The following FRMPD4 variants were observed in gnomAD, a reference collection of about 807,000 sequenced individuals.
FRMPD4 encodes the protein FERM and PDZ domain containing 4, also known as FERM and PDZ domain-containing protein 4.
Under a neutral mutation model 94.1 loss-of-function variants are expected in FRMPD4, and 22 were observed. The observed-to-expected ratio is 0.23, with a 90% CI of 0.17 to 0.33. The LOEUF (loss-of-function observed/expected upper bound fraction) is 0.33. Among genes scored for constraint, FRMPD4 ranks in the 10% least tolerant of loss-of-function variants. The pLI is 1.00. For synonymous variants in FRMPD4, 631 were observed against 548.6 expected, an observed-to-expected ratio of 1.15 and a Z score of -2.10; for missense variants, 1,111 against 1,339.9, an observed-to-expected ratio of 0.83 and a Z score of 2.67.
At chrX:12,051,213 AGT>A (rs1569149345) in intron 3 of FRMPD4, among the ~76,000 whole-genome samples, 1 of 112,029 alleles carries the variant, frequency 8.9e-6, no homozygotes, top group Non-Finnish European at 1.9e-5. Context: ...AACTTTAGAG[AGT>A]GTAGAGAGAA....
chrX:12,494,603 G>GAA, intron 1 of FRMPD4, among the ~76,000 whole-genome samples: 1 of 111,473 alleles, frequency 9.0e-6, no homozygotes, highest in East Asian at 2.8e-4. Flanking sequence ...GCCTCCAGGT[G>GAA]GCTCCTGAAA....
rs186428883 is a variant in FRMPD4, at chrX:12,007,008, G to A, written c.95+128990G>A. ...CTCTTTGACTTTTCTCTCACTAAAG[G>A]AAGATCTCTATGTCTCCTTACTTGA... On this transcript the variant is annotated intron_variant, in intron 3 of 18. Transcript: ENST00000640291. 2.2e-3 allele frequency among the ~76,000 whole-genome samples: 252 copies of A among 112,000 alleles called. 1 individual carries two copies. Among genetic ancestry groups the A allele is most frequent in the African/African-American group, 7.0e-3 (216 of 30,843 alleles).
intron 3 of FRMPD4, among the ~76,000 whole-genome samples, chrX:11,925,434 A>G (rs1434324782): frequency 1.8e-5 from 2 of 112,131 alleles, no homozygotes; most frequent in Admixed American, 1.9e-4. Flanking sequence ...CTCTACCCCA[A>G]AACAACAGAT....
intron 3 of FRMPD4, among the ~76,000 whole-genome samples, chrX:12,006,173 T>G (rs1431348487): frequency 8.9e-6 from 1 of 111,900 alleles, no homozygotes; most frequent in East Asian, 2.8e-4. Context: ...TCCTGCCTCT[T>G]TTGATTTTCT....
chrX:12,530,253 C>A (rs1453952366), intron 2 of FRMPD4, among the ~76,000 whole-genome samples: 1 of 111,728 alleles, frequency 9.0e-6, no homozygotes, highest in Non-Finnish European at 1.9e-5. Context: ...GTGACACATG[C>A]TAGGAATGAT....
chrX:12,489,409 T>C (rs1453324543), intron 1 of FRMPD4, among the ~76,000 whole-genome samples: 1 of 112,552 alleles, frequency 8.9e-6, no homozygotes, highest in Non-Finnish European at 1.9e-5. Context: ...TTCGTATACA[T>C]GTTCAAGGGA....
At chrX:12,152,302 A>G (rs1457069937) in intron 1 of FRMPD4, among the ~76,000 whole-genome samples, 3 of 112,224 alleles carry the variant, frequency 2.7e-5, no homozygotes, top group Non-Finnish European at 3.8e-5. Context: ...TTGCAACACT[A>G]TGCAGCTGTA....
At chrX:12,293,431 A>G (rs758606768) in intron 1 of FRMPD4, among the ~76,000 whole-genome samples, 1 of 112,877 alleles carries the variant, frequency 8.9e-6, no homozygotes, top group African/African-American at 3.2e-5. Context: ...GTCCATTTTA[A>G]TACTCACAGA....
chrX:12,286,905 C>T (rs998497530), intron 1 of FRMPD4, among the ~76,000 whole-genome samples: 12 of 111,720 alleles, frequency 1.1e-4, no homozygotes, highest in African/African-American at 2.0e-4. Context: ...TATACCTGAC[C>T]TTCAGGAACC....
At chrX:12,275,015 A>C (rs1385937158) in intron 1 of FRMPD4, among the ~76,000 whole-genome samples, 1 of 112,162 alleles carries the variant, frequency 8.9e-6, no homozygotes, top group African/African-American at 3.2e-5. Context: ...TCTCAAAAAA[A>C]TAAACCACAT....
At chrX:12,520,598 G>A (rs2058151682) in intron 2 of FRMPD4, among the ~76,000 whole-genome samples, 1 of 111,595 alleles carries the variant, frequency 9.0e-6, no homozygotes, top group South Asian at 3.8e-4. Context: ...GAGGCATCAG[G>A]ACTCTGTTTC....
chrX:12,542,397 A>G (rs1239758637), intron 2 of FRMPD4, among the ~76,000 whole-genome samples: 2 of 112,610 alleles, frequency 1.8e-5, no homozygotes, highest in Non-Finnish European at 3.8e-5. Context: ...AAGTCTCAGG[A>G]TACAAAATCA....
chrX:12,405,838 C>G (rs1343544151), intron 1 of FRMPD4, among the ~76,000 whole-genome samples: 3 of 111,436 alleles, frequency 2.7e-5, no homozygotes, highest in Non-Finnish European at 5.7e-5. Context: ...GTTCTATACA[C>G]TTGCCTAGAA....
At chrX:12,510,298 T>C (rs2058029879) in intron 2 of FRMPD4, among the ~76,000 whole-genome samples, 1 of 112,246 alleles carries the variant, frequency 8.9e-6, no homozygotes, top group Admixed American at 9.5e-5. Context: ...GAAATCTGAA[T>C]AAAATGTGGA....
intron 4 of FRMPD4, among the ~76,000 whole-genome samples, chrX:12,646,438 A>C (rs1340671337): frequency 4.5e-5 from 5 of 111,875 alleles, no homozygotes; most frequent in Non-Finnish European, 9.4e-5. Context: ...TTCTAGGTTG[A>C]GGCTAAATTC....
chrX:11,859,186 T>G (rs2053671011), intron 1 of FRMPD4, among the ~76,000 whole-genome samples: 2 of 111,862 alleles, frequency 1.8e-5, no homozygotes, highest in African/African-American at 3.2e-5. Context: ...ATTATTCATT[T>G]TCTGCACATG....
chrX:12,303,686 A>T (rs761945946), intron 1 of FRMPD4, among the ~76,000 whole-genome samples: 1 of 111,821 alleles, frequency 8.9e-6, no homozygotes, highest in Admixed American at 9.5e-5. Flanking sequence ...GTGAATAGAA[A>T]TAACCCAAAA....
At chrX:12,437,060 G>A (rs980631922) in intron 1 of FRMPD4, among the ~76,000 whole-genome samples, 4 of 111,620 alleles carry the variant, frequency 3.6e-5, no homozygotes, top group Middle Eastern at 4.8e-3. Context: ...TTAATTTTTA[G>A]GTTTTTTATT....
rs1036602486 is a variant in FRMPD4 at position 12,312,485 on chromosome X, C to A, written c.41+173473C>A. ...AGCCAGGATGGTCTCAATCTCCTGA[C>A]CTCGTGATCCACCCACCTCAGCCTC... On this transcript the variant is annotated intron_variant, in intron 1 of 16. Coordinates refer to ENST00000675598, the MANE Select transcript of FRMPD4 (RefSeq NM_001368397.1). Among the ~76,000 whole-genome samples, 4 of 109,707 alleles carry A rather than the reference C, an allele frequency of 3.6e-5. No individual in the cohort carries two copies. The East Asian group carries it at 8.6e-4, about 24-fold the overall frequency.
Sources: gnomAD v4.1 joint callset for allele counts (sites outside exome capture counted in the v4.1 genomes callset) on GRCh38, gnomAD v4.1.1 for gene constraint, MANE v1.5 for transcripts, NCBI Gene and HGNC (gene_info 2026-07-23, HGNC 2026-07-21) for gene names.